Variants in CAMTA1 observed in about 807,000 individuals in gnomAD.
CAMTA1 encodes the protein calmodulin-binding transcription activator 1.
Under a neutral mutation model 170.9 loss-of-function variants are expected in CAMTA1, and 27 were observed. The observed-to-expected ratio is 0.16, with a 90% confidence interval of 0.12 to 0.22. The LOEUF (loss-of-function observed/expected upper bound fraction) is 0.22. Ranked by LOEUF, CAMTA1 falls within the 10% of genes least tolerant of loss-of-function variation. CAMTA1 has a pLI of 1.00. For synonymous variants in CAMTA1, 833 were observed against 891.5 expected (o/e 0.93, Z 1.17); for missense variants, 1,619 against 2,217.2 (o/e 0.73, Z 5.42).
chr1:7,429,827 A>G (rs1291372956), intron 5 of CAMTA1, among the ~76,000 whole-genome samples: 1 of 152,214 alleles, frequency 6.6e-6, no homozygotes, highest in Non-Finnish European at 1.5e-5. Context: ...ACTTTCAATC[A>G]TGGCAGAAGG....
At chr1:7,368,643 A>T (rs897048661) in intron 5 of CAMTA1, among the ~76,000 whole-genome samples, 1 of 152,084 alleles carries the variant, frequency 6.6e-6, no homozygotes, top group Non-Finnish European at 1.5e-5. Context: ...GGCCCTCATC[A>T]CTTGGACTGC....
intron 4 of CAMTA1, among the ~76,000 whole-genome samples, chr1:7,193,086 C>T (rs1431546208): frequency 6.6e-6 from 1 of 152,142 alleles, no homozygotes; most frequent in South Asian, 2.1e-4. Flanking sequence ...CACAGTGGCT[C>T]ACACCTGTAA....
intron 6 of CAMTA1, among the ~76,000 whole-genome samples, chr1:7,603,199 C>A (rs1359352660): frequency 6.6e-6 from 1 of 152,150 alleles, no homozygotes; most frequent in Admixed American, 6.5e-5. Flanking sequence ...TCTATTAGGT[C>A]TGTTTGGTGC....
At chr1:7,402,619 CT>C (rs2089989260) in intron 5 of CAMTA1, among the ~76,000 whole-genome samples, 1 of 152,184 alleles carries the variant, frequency 6.6e-6, no homozygotes, top group Non-Finnish European at 1.5e-5. Flanking sequence ...GGGTCTGCAG[CT>C]TTTCCTTCCC....
rs188486314 is a variant in CAMTA1, at chr1:7,523,052, A to C, written c.510+55151A>C. ...CAGCTAATTTTTGTATTTTTAGTAGAGATGGGGTTTCACCATGTTGGCCAG... is the reference window on the plus strand; with the variant it reads ...CAGCTAATTTTTGTATTTTTAGTAGCGATGGGGTTTCACCATGTTGGCCAG... On this transcript the variant is annotated intron_variant, in intron 6 of 22. Transcript: ENST00000303635. Among the ~76,000 whole-genome samples the C allele has an allele frequency of 6.5e-3, 995 of 152,288 alleles. 14 individuals carry two copies. Among genetic ancestry groups the C allele is most frequent in the African/African-American group, 0.023 (951 of 41,558 alleles).
At chr1:7,240,063 G>T (rs1664596136) in intron 4 of CAMTA1, among the ~76,000 whole-genome samples, 1 of 152,186 alleles carries the variant, frequency 6.6e-6, no homozygotes. Flanking sequence ...CCTTTAGGGG[G>T]ACACATCCAA....
Position 7,747,896 on chromosome 1 carries a change from T to G in CAMTA1, c.4689+115T>G, listed in dbSNP as rs2096867751. 9 of 592,396 alleles carry G rather than the reference T, an allele frequency of 1.5e-5. No homozygotes were observed. The South Asian group carries it at 2.3e-4, about 15-fold the overall frequency. The allele number at this position is 592,396 out of a possible 1,614,324, so 36.7% of individuals were successfully genotyped here. A position where few individuals can be genotyped will look rare whatever the true frequency, so the allele number is the denominator to read the frequency against. On this transcript the variant is annotated intron_variant, in intron 19 of 22. Coordinates refer to ENST00000303635, the MANE Select transcript of CAMTA1 (RefSeq NM_015215.4). Reference sequence around the variant, plus strand: ...TACCTCATTACAGAGACTTAATTTGTTTTTTGGTTGTTTTTTTTTTTTTAT... The same window carrying G: ...TACCTCATTACAGAGACTTAATTTGGTTTTTGGTTGTTTTTTTTTTTTTAT...
At chr1:6,826,097 G>T (rs1046183861) in intron 3 of CAMTA1, among the ~76,000 whole-genome samples, 32 of 152,264 alleles carry the variant, frequency 2.1e-4, no homozygotes, top group Non-Finnish European at 2.4e-4. Context: ...GACACAAGAA[G>T]AAAATAGTGC....
chr1:7,713,895 T>C (rs1186259212), intron 11 of CAMTA1, among the ~76,000 whole-genome samples: 2 of 152,236 alleles, frequency 1.3e-5, no homozygotes, highest in Admixed American at 1.3e-4. Flanking sequence ...TTCTCTTATC[T>C]GTATATTTCA....
At chr1:7,417,567 C>G (rs1026503051) in intron 5 of CAMTA1, among the ~76,000 whole-genome samples, 17 of 152,266 alleles carry the variant, frequency 1.1e-4, no homozygotes, top group African/African-American at 3.9e-4. Context: ...GCGTAGGACC[C>G]TCTGAGCCAG....
At chr1:7,752,764 C>T (rs554016340) in intron 21 of CAMTA1, among the ~76,000 whole-genome samples, 3 of 152,252 alleles carry the variant, frequency 2.0e-5, no homozygotes, top group East Asian at 1.9e-4. Flanking sequence ...GATTCATGCC[C>T]GTGTTTTTCT....
intron 11 of CAMTA1, among the ~76,000 whole-genome samples, chr1:7,689,824 T>A (rs1329323640): frequency 1.3e-5 from 2 of 151,998 alleles, no homozygotes; most frequent in African/African-American, 2.4e-5. Context: ...ACAGCCAAAT[T>A]CACCCATGCC....
At chr1:6,812,758 T>C (rs1285519263) in intron 1 of CAMTA1, among the ~76,000 whole-genome samples, 1 of 152,256 alleles carries the variant, frequency 6.6e-6, no homozygotes, top group Non-Finnish European at 1.5e-5. Flanking sequence ...TTTACGTGCA[T>C]CTCTGGTAAT....
intron 5 of CAMTA1, among the ~76,000 whole-genome samples, chr1:7,413,962 A>C (rs2149274046): frequency 6.6e-6 from 1 of 152,346 alleles, no homozygotes; most frequent in East Asian, 1.9e-4. Flanking sequence ...AGCTTTTAGC[A>C]TGAAGGGTTG....
At chr1:7,528,095 C>G (rs2094450147) in intron 6 of CAMTA1, among the ~76,000 whole-genome samples, 1 of 152,202 alleles carries the variant, frequency 6.6e-6, no homozygotes, top group Admixed American at 6.5e-5. Context: ...GTGGCTCTGC[C>G]TGTCTCCCCA....
At chr1:7,321,051 G>T (rs72642803) in intron 5 of CAMTA1, among the ~76,000 whole-genome samples, 5 of 152,322 alleles carry the variant, frequency 3.3e-5, no homozygotes, top group Non-Finnish European at 5.9e-5. Flanking sequence ...TGAAGGAATG[G>T]GGGAATGAGC....
intron 5 of CAMTA1, among the ~76,000 whole-genome samples, chr1:7,288,810 G>A (rs1434540514): frequency 6.6e-6 from 1 of 152,212 alleles, no homozygotes; most frequent in Admixed American, 6.5e-5. Context: ...CGGCTCTCGT[G>A]AAGCATTTGG....
At chr1:6,898,603 A>G (rs1197712084) in intron 3 of CAMTA1, among the ~76,000 whole-genome samples, 1 of 152,202 alleles carries the variant, frequency 6.6e-6, no homozygotes, top group African/African-American at 2.4e-5. Context: ...CTCCAGGCAG[A>G]TAAGTTATAG....
At chr1:7,524,390 C>A (rs2094405766) in intron 6 of CAMTA1, among the ~76,000 whole-genome samples, 1 of 151,974 alleles carries the variant, frequency 6.6e-6, no homozygotes, top group African/African-American at 2.4e-5. Context: ...TTGTAGATTT[C>A]TTGGAATTTT....
Sources: allele counts gnomAD v4.1 joint callset (sites outside exome capture counted in the v4.1 genomes callset), GRCh38; gene constraint gnomAD v4.1.1; transcripts MANE v1.5; gene names NCBI Gene and HGNC (gene_info 2026-07-23, HGNC 2026-07-21).